The following ZSWIM6 variants were observed in gnomAD, a reference collection of about 807,000 sequenced individuals.
ZSWIM6 encodes the protein zinc finger SWIM domain-containing protein 6.
In ZSWIM6, 9 loss-of-function variants were observed where a neutral mutation model predicts 113.2. The observed-to-expected ratio is 0.08, with a 90% CI of 0.05 to 0.14. The LOEUF is 0.14. Ranked by LOEUF, ZSWIM6 falls within the 10% of genes least tolerant of loss-of-function variation. ZSWIM6 has a pLI of 1.00. For synonymous variants in ZSWIM6, 611 were observed against 606.5 expected, an observed-to-expected ratio of 1.01 and a Z score of -0.11; for missense variants, 1,162 against 1,552.2, an observed-to-expected ratio of 0.75 and a Z score of 4.22.
intron 1 of ZSWIM6, among the ~76,000 whole-genome samples, chr5:61,430,491 C>G (rs1302666454): frequency 6.6e-6 from 1 of 152,076 alleles, no homozygotes; most frequent in African/African-American, 2.4e-5. Flanking sequence ...ATTATAGAAG[C>G]TGCTTGTGGT....
chr5:61,337,294 C>CAAAAACAA (rs1323674543), intron 1 of ZSWIM6, among the ~76,000 whole-genome samples: 1 of 150,112 alleles, frequency 6.7e-6, no homozygotes, highest in East Asian at 1.9e-4. Flanking sequence ...CCAAAAAAAA[C>CAAAAACAA]AAAAACAAAA....
At chr5:61,456,909 TTTA>T (rs2112163962) in intron 1 of ZSWIM6, among the ~76,000 whole-genome samples, 3 of 151,894 alleles carry the variant, frequency 2.0e-5, no homozygotes, top group South Asian at 4.2e-4. Flanking sequence ...TTTTCTTTTT[TTTA>T]TTATTATTAT....
intron 1 of ZSWIM6, among the ~76,000 whole-genome samples, chr5:61,360,801 T>A (rs544212401): frequency 5.3e-5 from 8 of 152,340 alleles, no homozygotes; most frequent in Admixed American, 2.6e-4. Context: ...TTCCTGGCTT[T>A]TGATAACAGT....
intron 1 of ZSWIM6, among the ~76,000 whole-genome samples, chr5:61,418,228 A>G (rs917477041): frequency 2.4e-4 from 36 of 151,892 alleles, no homozygotes; most frequent in African/African-American, 8.5e-4. Flanking sequence ...TTTTAACACA[A>G]AGAAGGATTC....
At chr5:61,464,485 A>G (rs1747392230) in intron 1 of ZSWIM6, among the ~76,000 whole-genome samples, 1 of 152,106 alleles carries the variant, frequency 6.6e-6, no homozygotes, top group African/African-American at 2.4e-5. Context: ...CACCTGTAGA[A>G]AGGGGAATAT....
At chr5:61,458,067 A>G (rs934527046) in intron 1 of ZSWIM6, among the ~76,000 whole-genome samples, 7 of 152,180 alleles carry the variant, frequency 4.6e-5, no homozygotes, top group African/African-American at 1.2e-4. Flanking sequence ...ATCATCACCT[A>G]TTCTCAAGAA....
intron 1 of ZSWIM6, among the ~76,000 whole-genome samples, chr5:61,397,594 A>G (rs992251963): frequency 2.0e-5 from 3 of 152,202 alleles, no homozygotes; most frequent in Non-Finnish European, 4.4e-5. Flanking sequence ...TAAAAACATG[A>G]ACCTTTAAAA....
At chr5:61,476,485 C>T (rs1316894107) in intron 2 of ZSWIM6, among the ~76,000 whole-genome samples, 5 of 152,110 alleles carry the variant, frequency 3.3e-5, no homozygotes, top group Non-Finnish European at 7.4e-5. Context: ...AAATTTTCCA[C>T]ATAATTTTAA....
chr5:61,485,860 A>G (rs1044128320), intron 2 of ZSWIM6, among the ~76,000 whole-genome samples: 7 of 152,182 alleles, frequency 4.6e-5, no homozygotes, highest in Non-Finnish European at 1.0e-4. Context: ...TAACTAGGTT[A>G]CTTGTACTCT....
intron 1 of ZSWIM6, among the ~76,000 whole-genome samples, chr5:61,439,745 C>G (rs1246822457): frequency 3.9e-5 from 6 of 152,036 alleles, no homozygotes; most frequent in African/African-American, 1.2e-4. Flanking sequence ...TAATATATAT[C>G]TAGGAATGGA....
intron 1 of ZSWIM6, among the ~76,000 whole-genome samples, chr5:61,416,325 C>T (rs1579985203): frequency 6.6e-6 from 1 of 152,158 alleles, no homozygotes; most frequent in African/African-American, 2.4e-5. Flanking sequence ...TCATCTCCCC[C>T]TCCTCCCGCA....
At chr5:61,481,925 T>A (rs544088052) in intron 2 of ZSWIM6, among the ~76,000 whole-genome samples, 2 of 152,322 alleles carry the variant, frequency 1.3e-5, no homozygotes, top group South Asian at 4.1e-4. Flanking sequence ...TTGTAAATAT[T>A]ATAGCATTTA....
rs1258776479 is a variant in ZSWIM6, at chr5:61,540,992, GGAGTGCAGGGGTA to G, written c.2704-891_2704-879del. The stretch of plus-strand genomic sequence containing the variant: ...GGAGTCTCACTCTGTCACCCAGGCT[GGAGTGCAGGGGTA>G]CAATCTCAGCTCACTGCAACCTCTG... On this transcript the variant is annotated intron_variant, in intron 12 of 13. Transcript: ENST00000252744. Among the ~76,000 whole-genome samples, 201 of 146,528 alleles carry G rather than the reference GGAGTGCAGGGGTA, an allele frequency of 1.4e-3. 1 individual carries two copies. The highest frequency in any genetic ancestry group is 4.9e-3 in the African/African-American group (190 of 39,082).
At chr5:61,404,216 C>T (rs1266329779) in intron 1 of ZSWIM6, among the ~76,000 whole-genome samples, 1 of 152,134 alleles carries the variant, frequency 6.6e-6, no homozygotes. Flanking sequence ...CCGTATTAGC[C>T]AGGATGTTAA....
At chr5:61,346,430 GAGAT>G (rs1744659953) in intron 1 of ZSWIM6, among the ~76,000 whole-genome samples, 1 of 152,144 alleles carries the variant, frequency 6.6e-6, no homozygotes. Flanking sequence ...AAGTGGCCTG[GAGAT>G]AGATTGTCAG....
At chr5:61,377,224 C>A (rs187832997) in intron 1 of ZSWIM6, among the ~76,000 whole-genome samples, 1 of 151,936 alleles carries the variant, frequency 6.6e-6, no homozygotes, top group African/African-American at 2.4e-5. Flanking sequence ...AACTGGGTAG[C>A]CATCTGGAAA....
At chr5:61,350,425 C>G (rs1199043912) in intron 1 of ZSWIM6, among the ~76,000 whole-genome samples, 1 of 152,028 alleles carries the variant, frequency 6.6e-6, no homozygotes, top group Non-Finnish European at 1.5e-5. Context: ...TATTTCTGGT[C>G]TCCGTCAGTG....
At chr5:61,340,601 T>C (rs942141920) in intron 1 of ZSWIM6, among the ~76,000 whole-genome samples, 31 of 152,230 alleles carry the variant, frequency 2.0e-4, no homozygotes, top group Admixed American at 1.9e-3. Flanking sequence ...AATTTCAGTT[T>C]TTCCCATTTT....
chr5:61,356,739 TTA>T lies in ZSWIM6; in HGVS notation c.676+23803_676+23804del, dbSNP rs34874836. On this transcript the variant is annotated intron_variant, in intron 1 of 13. Coordinates refer to ENST00000252744, the MANE Select transcript of ZSWIM6 (RefSeq NM_020928.2). ...TATATAACATAATATATAATATATA[TTA>T]TATATATATATTATATATAATATGT... Among the ~76,000 whole-genome samples, 426 of 130,578 alleles carry T rather than the reference TTA, an allele frequency of 3.3e-3. 1 individual carries two copies. Among genetic ancestry groups the T allele is most frequent in the African/African-American group, 9.2e-3 (315 of 34,306 alleles). 85.7% of individuals were successfully genotyped at this position (130,578 alleles called of 152,430 possible).
Sources: allele counts gnomAD v4.1 joint callset (sites outside exome capture counted in the v4.1 genomes callset), GRCh38; gene constraint gnomAD v4.1.1; transcripts MANE v1.5; gene names NCBI Gene and HGNC (gene_info 2026-07-23, HGNC 2026-07-21).